Variants in TP53BP2 observed in about 807,000 individuals in gnomAD.
TP53BP2 encodes apoptosis-stimulating of p53 protein 2.
Under a neutral mutation model 126.2 loss-of-function variants are expected in TP53BP2, and 62 were observed. The observed-to-expected ratio is 0.49, with a 90% CI of 0.40 to 0.61. TP53BP2 has a LOEUF of 0.61. Among genes scored for constraint, TP53BP2 ranks in the 20% least tolerant of loss-of-function variants. The pLI is 0.00. For missense variants in TP53BP2, 1,215 were observed against 1,402.8 expected (o/e 0.87, Z 2.14); for synonymous variants, 485 against 502.9 (o/e 0.96, Z 0.48).
intron 15 of TP53BP2, among the ~76,000 whole-genome samples, chr1:223,791,905 C>G (rs1284134656): frequency 6.6e-6 from 1 of 152,138 alleles, no homozygotes; most frequent in African/African-American, 2.4e-5. Flanking sequence ...AAACAATACT[C>G]ATCACTTGCA....
chr1:223,845,737 G>T lies in TP53BP2; in HGVS notation c.-57C>A. On this transcript the variant is annotated 5_prime_UTR_variant, in exon 1 of 18. Transcript: ENST00000343537. ...GAGCTGAGGTGCCCCGGAGGGTCGC[G>T]GATGCGGGGGAGGGGAGCGGAGAGC... The T allele has an allele frequency of 6.8e-7, 1 of 1,466,554 alleles. No individual in the cohort carries two copies. The allele number at this position is 1,466,554 out of a possible 1,614,324, so 90.8% of individuals were successfully genotyped here.
chr1:223,844,305 T>C (rs1050385046), intron 1 of TP53BP2, among the ~76,000 whole-genome samples: 2 of 152,162 alleles, frequency 1.3e-5, no homozygotes, highest in African/African-American at 4.8e-5. Flanking sequence ...TGGTAGGGTA[T>C]CTCCAAAGGA....
At chr1:223,831,722 A>G (rs1313690919) in intron 1 of TP53BP2, among the ~76,000 whole-genome samples, 1 of 150,684 alleles carries the variant, frequency 6.6e-6, no homozygotes, top group Admixed American at 6.6e-5. Context: ...TACCTCCTAT[A>G]GTCATCTATC....
intron 1 of TP53BP2, among the ~76,000 whole-genome samples, chr1:223,842,226 C>A (rs775063823): frequency 6.6e-6 from 1 of 152,214 alleles, no homozygotes; most frequent in Non-Finnish European, 1.5e-5. Flanking sequence ...GCGTAGCCAC[C>A]GTGCCCGGCC....
intron 1 of TP53BP2, among the ~76,000 whole-genome samples, chr1:223,828,272 T>C (rs1216471919): frequency 2.6e-5 from 4 of 152,182 alleles, no homozygotes; most frequent in Admixed American, 6.5e-5. Flanking sequence ...TGTATCCTAT[T>C]ATGCATACAC....
chr1:223,786,575 T>TGTGC (rs1553257998), intron 16 of TP53BP2, among the ~76,000 whole-genome samples: 6 of 128,328 alleles, frequency 4.7e-5, no homozygotes, highest in Non-Finnish European at 8.0e-5. Context: ...TGTGTGTGCG[T>TGTGC]GTGTGCGTGT....
intron 11 of TP53BP2, 115 bp from the exon 12 acceptor site, chr1:223,798,792 C>T: frequency 1.0e-6 from 1 of 963,152 alleles, no homozygotes; most frequent in Admixed American, 2.9e-5. Context: ...TTAGCTCTGG[C>T]CGGGTGCAGG....
intron 11 of TP53BP2, 38 bp from the exon 12 acceptor site, chr1:223,798,715 A>G (rs1380181392): frequency 1.4e-6 from 2 of 1,446,752 alleles, no homozygotes; most frequent in African/African-American, 2.8e-5. Context: ...AAAATACTAT[A>G]TAACTGGGTA....
At chr1:223,843,700 T>C (rs138699875) in intron 1 of TP53BP2, among the ~76,000 whole-genome samples, 1,797 of 152,274 alleles carry the variant, frequency 0.012, 37 homozygotes, top group African/African-American at 0.041. Context: ...TCCTGATAAA[T>C]TGGTTAGAAT....
chr1:223,827,763 ATTCCCTTTTCCT>A (rs1424893294), intron 1 of TP53BP2, among the ~76,000 whole-genome samples: 1 of 152,204 alleles, frequency 6.6e-6, no homozygotes, highest in African/African-American at 2.4e-5. Flanking sequence ...ATATGTATCA[ATTCCCTTTTCCT>A]TCCTTTACTT....
intron 1 of TP53BP2, among the ~76,000 whole-genome samples, chr1:223,829,177 A>G (rs1322829600): frequency 6.6e-6 from 1 of 152,108 alleles, no homozygotes; most frequent in Non-Finnish European, 1.5e-5. Context: ...ACAAAAAAAC[A>G]CAAAAAATTA....
intron 1 of TP53BP2, among the ~76,000 whole-genome samples, chr1:223,832,170 C>G (rs988241872): frequency 1.3e-5 from 2 of 152,136 alleles, no homozygotes; most frequent in Non-Finnish European, 2.9e-5. Context: ...ATAAGATGTT[C>G]CCTGTCACCA....
At chr1:223,825,581 T>C (rs1000943433) in intron 1 of TP53BP2, among the ~76,000 whole-genome samples, 5 of 152,054 alleles carry the variant, frequency 3.3e-5, no homozygotes, top group Non-Finnish European at 7.4e-5. Context: ...AATGAGAGAG[T>C]GTGTTGTCCA....
chr1:223,807,340 T>C (rs1399565951), intron 4 of TP53BP2, among the ~76,000 whole-genome samples: 1 of 152,194 alleles, frequency 6.6e-6, no homozygotes, highest in Admixed American at 6.5e-5. Context: ...GTCATTGGAA[T>C]ATCATTTAAA....
chr1:223,802,495 C>T, intron 8 of TP53BP2, 151 bp from the exon 9 acceptor site: 1 of 857,550 alleles, frequency 1.2e-6, no homozygotes, highest in Non-Finnish European at 1.8e-6. Flanking sequence ...AATAAACACT[C>T]CCCAATGAAC....
chr1:223,810,354 T>A (rs2102862007), intron 4 of TP53BP2, 77 bp downstream of exon 4: 1 of 1,076,914 alleles, frequency 9.3e-7, no homozygotes, highest in East Asian at 2.7e-5. Context: ...AATAACAAAG[T>A]AATAATGAAT....
intron 1 of TP53BP2, among the ~76,000 whole-genome samples, chr1:223,839,067 G>A (rs1003620971): frequency 1.4e-5 from 2 of 138,980 alleles, no homozygotes; most frequent in Non-Finnish European, 3.1e-5. Flanking sequence ...GTAAGGTTAT[G>A]CTTTGAAAAG....
At chr1:223,834,199 G>C (rs1663840932) in intron 1 of TP53BP2, among the ~76,000 whole-genome samples, 1 of 152,152 alleles carries the variant, frequency 6.6e-6, no homozygotes, top group Non-Finnish European at 1.5e-5. Flanking sequence ...TATTGCAAGG[G>C]AAAAGTCACT....
chr1:223,835,727 A>C (rs1212383357), intron 1 of TP53BP2, among the ~76,000 whole-genome samples: 1 of 152,216 alleles, frequency 6.6e-6, no homozygotes, highest in Non-Finnish European at 1.5e-5. Flanking sequence ...ATATTTATTA[A>C]ATCCCTACAG....
Sources: allele counts gnomAD v4.1 joint callset (sites outside exome capture counted in the v4.1 genomes callset), GRCh38; gene constraint gnomAD v4.1.1; transcripts MANE v1.5; gene names NCBI Gene and HGNC (gene_info 2026-07-23, HGNC 2026-07-21).